BCAS4: variants seen among roughly 807,000 people sequenced by gnomAD.
BCAS4 encodes the protein breast carcinoma-amplified sequence 4.
Under a neutral mutation model 15.7 loss-of-function variants are expected in BCAS4, and 9 were observed. That is an observed-to-expected ratio of 0.57 (90% CI 0.34 to 1.00). BCAS4 has a LOEUF of 1.00. Ranked by LOEUF, BCAS4 falls within the 50% of genes least tolerant of loss-of-function variation. The pLI, the probability that BCAS4 is intolerant of heterozygous loss-of-function variation, is 0.02. For synonymous variants in BCAS4, 101 were observed against 99.5 expected (o/e 1.02, Z -0.09); for missense variants, 225 against 239.1 (o/e 0.94, Z 0.39).
intron 2 of BCAS4, 100 bp from the exon 3 acceptor site, chr20:50,830,170 GCACCTCAGC>G (rs1419883872): frequency 1.2e-6 from 1 of 839,034 alleles, no homozygotes; most frequent in Non-Finnish European, 1.9e-6. Flanking sequence ...ATGCCACCTG[GCACCTCAGC>G]CATCATTGGG....
chr20:50,852,058 C>T (rs1389817990), intron 4 of BCAS4, among the ~76,000 whole-genome samples: 1 of 152,238 alleles, frequency 6.6e-6, no homozygotes, highest in African/African-American at 2.4e-5. Context: ...CACTTACCTG[C>T]CCTACTTGGT....
At chr20:50,799,469 T>G (rs2087902566) in intron 1 of BCAS4, among the ~76,000 whole-genome samples, 1 of 152,192 alleles carries the variant, frequency 6.6e-6, no homozygotes, top group African/African-American at 2.4e-5. Context: ...GCTGGAACAG[T>G]TTCCAGGTGG....
rs2088487111 is a variant in BCAS4 at position 50,841,891 on chromosome 20, C to T, written c.390C>T (p.Ser130=). The T allele has an allele frequency of 3.2e-6, 5 of 1,584,208 alleles. No individual in the cohort carries two copies. Among genetic ancestry groups the T allele is most frequent in the Admixed American group, 1.8e-5 (1 of 56,012 alleles). The change falls in exon 4 of 5, where the codon TCC becomes TCT. Residue 130 remains serine, a synonymous_variant. Transcript: ENST00000371608. ...GGCTGGGATCCGCAGGGCTCCCCTC[C>T]TTCAGGAACGTGAGTATCCTGCCCC... ...RRWLGSAGLP[S]FRNKSPAPVP...
chr20:50,839,488 T>C (rs2088450884), intron 3 of BCAS4, among the ~76,000 whole-genome samples: 1 of 152,200 alleles, frequency 6.6e-6, no homozygotes, highest in Admixed American at 6.5e-5. Context: ...CTAAGCACTC[T>C]ACTTGTTGAA....
At chr20:50,832,411 C>T (rs1360607671) in intron 3 of BCAS4, among the ~76,000 whole-genome samples, 2 of 151,812 alleles carry the variant, frequency 1.3e-5, no homozygotes, top group East Asian at 3.9e-4. Flanking sequence ...GTGCTTTCCA[C>T]CACGTCCAGC....
chr20:50,876,537 A>T lies in BCAS4; in HGVS notation c.451A>T (p.Thr151Ser), dbSNP rs750471913. The change falls in exon 5 of 5, where the codon ACG (threonine) becomes TCG (serine). Residue 151 changes from threonine (T) to serine (S), a missense_variant. Physicochemically the swap from Thr to Ser is moderately conservative, Grantham distance 58 (BLOSUM62 1). Transcript: ENST00000371608. ...GTACGAGCTGCCCACACTGTATAGG[A>T]CGGAGGACTATTTTCCTGTGGACGC... ...VTYELPTLYR[T>S]EDYFPVDAGE... The T allele has an allele frequency of 6.2e-7, 1 of 1,614,070 alleles. No homozygotes were observed. The highest frequency in any genetic ancestry group is 8.5e-7 in the Non-Finnish European group (1 of 1,180,004).
At chr20:50,821,997 C>G (rs766971273) in intron 2 of BCAS4, among the ~76,000 whole-genome samples, 1 of 152,220 alleles carries the variant, frequency 6.6e-6, no homozygotes, top group Non-Finnish European at 1.5e-5. Flanking sequence ...ATTGCTGTGT[C>G]AAACTACCCG....
chr20:50,857,821 C>T (rs953898121), intron 4 of BCAS4, among the ~76,000 whole-genome samples: 1 of 152,176 alleles, frequency 6.6e-6, no homozygotes, highest in Non-Finnish European at 1.5e-5. Flanking sequence ...TATTCCCCAT[C>T]AGCAGTCCCC....
At chr20:50,866,092 C>T (rs546794692) in intron 4 of BCAS4, among the ~76,000 whole-genome samples, 1 of 152,240 alleles carries the variant, frequency 6.6e-6, no homozygotes, top group South Asian at 2.1e-4. Context: ...CAGCTGGGAC[C>T]CTGGGCACGT....
intron 4 of BCAS4, 42 bp from the exon 5 acceptor site, chr20:50,876,444 G>T: frequency 6.2e-7 from 1 of 1,607,112 alleles, no homozygotes; most frequent in South Asian, 1.1e-5. Flanking sequence ...TGGAACAAGT[G>T]GATCCAAATC....
downstream of BCAS4, chr20:50,878,492 T>A (rs967069505): frequency 6.6e-6 from 1 of 151,436 alleles, no homozygotes; most frequent in African/African-American, 2.4e-5. Flanking sequence ...TTGAGGTGAC[T>A]TTTACAATTT....
At chr20:50,873,580 C>T (rs1235083154) in intron 4 of BCAS4, among the ~76,000 whole-genome samples, 1 of 152,270 alleles carries the variant, frequency 6.6e-6, no homozygotes, top group Non-Finnish European at 1.5e-5. Flanking sequence ...AATTCCACAC[C>T]TGTGGGTTAC....
chr20:50,798,347 A>T (rs2087891181), intron 1 of BCAS4, among the ~76,000 whole-genome samples: 1 of 151,958 alleles, frequency 6.6e-6, no homozygotes, highest in South Asian at 2.1e-4. Context: ...AAGAAAAGAA[A>T]CAGGTGAAAT....
intron 1 of BCAS4, among the ~76,000 whole-genome samples, chr20:50,815,084 A>G (rs1450274543): frequency 2.0e-5 from 3 of 152,184 alleles, no homozygotes; most frequent in Non-Finnish European, 2.9e-5. Flanking sequence ...CATTCTGCCA[A>G]ACGGGCCTGA....
chr20:50,867,378 G>A (rs897576627), intron 4 of BCAS4, among the ~76,000 whole-genome samples: 2 of 152,098 alleles, frequency 1.3e-5, no homozygotes, highest in African/African-American at 4.8e-5. Context: ...AGAGGGTCTC[G>A]TTCTGTTGCC....
At chr20:50,863,233 C>T (rs1979181710) in intron 4 of BCAS4, among the ~76,000 whole-genome samples, 1 of 146,950 alleles carries the variant, frequency 6.8e-6, no homozygotes. Context: ...GTTTTCTTCC[C>T]AGAGCTAACT....
chr20:50,804,258 C>T (rs982724730), intron 1 of BCAS4, among the ~76,000 whole-genome samples: 21 of 152,248 alleles, frequency 1.4e-4, no homozygotes, highest in African/African-American at 4.8e-4. Context: ...AGGCTGATCT[C>T]GAACTCCTGA....
chr20:50,830,300 A>G lies in BCAS4; in HGVS notation c.184A>G (p.Ile62Val). ...ADLIRSDTSQ[I>V]LEENIPVLKA... is the part of the protein sequence containing the mutation. ...GCAGATCAGGAGTGATACTTCACAGATCCTGGAGGAAAACATCCCAGTCCT... is the reference window on the plus strand; with the variant it reads ...GCAGATCAGGAGTGATACTTCACAGGTCCTGGAGGAAAACATCCCAGTCCT... Residue 62 changes from isoleucine to valine, a missense_variant, in exon 3 of 5, where the codon ATC becomes GTC. Transcript: ENST00000371608. The G allele has an allele frequency of 3.7e-6, 6 of 1,614,006 alleles. No homozygotes were observed. The highest frequency in any genetic ancestry group is 5.1e-6 in the Non-Finnish European group (6 of 1,179,944).
At chr20:50,848,126 C>T (rs1291816086) in intron 4 of BCAS4, among the ~76,000 whole-genome samples, 3 of 151,606 alleles carry the variant, frequency 2.0e-5, no homozygotes, top group Non-Finnish European at 2.9e-5. Flanking sequence ...CATGGTAGTG[C>T]GTGCCTGTGG....
Sources: gnomAD v4.1 joint callset for allele counts (sites outside exome capture counted in the v4.1 genomes callset) on GRCh38, gnomAD v4.1.1 for gene constraint, MANE v1.5 for transcripts, NCBI Gene and HGNC (gene_info 2026-07-23, HGNC 2026-07-21) for gene names.